Variants in UBE2U observed in about 807,000 individuals in gnomAD.
UBE2U encodes the protein ubiquitin-conjugating enzyme E2 U.
Under a neutral mutation model 41.2 loss-of-function variants are expected in UBE2U, and 39 were observed. The ratio of observed to expected loss-of-function variants is 0.95; its 90% CI spans 0.73 to 1.24. UBE2U has a LOEUF of 1.24. Among genes scored for constraint, UBE2U ranks in the 50% most tolerant of loss-of-function variants. UBE2U has a pLI of 0.00. For synonymous variants in UBE2U, 107 were observed against 117.8 expected (o/e 0.91, Z 0.60); for missense variants, 336 against 363.1 (o/e 0.93, Z 0.61).
At chr1:64,255,813 G>A (rs1454908535) in intron 8 of UBE2U, among the ~76,000 whole-genome samples, 2 of 152,130 alleles carry the variant, frequency 1.3e-5, no homozygotes, top group East Asian at 3.8e-4. Context: ...TAGGAAGAGA[G>A]GGAGTTATCT....
intron 8 of UBE2U, among the ~76,000 whole-genome samples, chr1:64,247,864 C>CAAA (rs71056034): frequency 7.8e-6 from 1 of 127,900 alleles, no homozygotes; most frequent in Non-Finnish European, 1.6e-5. Flanking sequence ...ACCTGTCTCA[C>CAAA]AAAAAAAAAA....
chr1:64,260,966 G>T (rs1645172143), intron 9 of UBE2U, among the ~76,000 whole-genome samples: 2 of 152,076 alleles, frequency 1.3e-5, no homozygotes, highest in African/African-American at 4.8e-5. Context: ...AAATTTTAAG[G>T]CTAAGTTTCA....
intron 7 of UBE2U, among the ~76,000 whole-genome samples, chr1:64,239,178 G>GA (rs140881775): frequency 3.4e-5 from 3 of 88,432 alleles, no homozygotes; most frequent in East Asian, 6.9e-4. Flanking sequence ...AGAAGAAGAA[G>GA]AAGAAGAAGA....
chr1:64,206,084 C>A (rs1651280218), intron 2 of UBE2U, among the ~76,000 whole-genome samples: 1 of 152,128 alleles, frequency 6.6e-6, no homozygotes, highest in South Asian at 2.1e-4. Context: ...CAAAACCCCA[C>A]AGTTACTTCT....
At chr1:64,221,170 G>A (rs1157160503) in intron 6 of UBE2U, among the ~76,000 whole-genome samples, 1 of 152,108 alleles carries the variant, frequency 6.6e-6, no homozygotes, top group African/African-American at 2.4e-5. Flanking sequence ...GGAATGCAAT[G>A]GCGCAATCTC....
At position 64,214,795 on chromosome 1, in the gene UBE2U, T is replaced by G. The variant is rs1651881255; in HGVS notation, c.340-20T>G. ...AAAAGTTTACTTCTGAAATTATATG[T>G]TGTCTGTGTTTTCCTATAGGTTATG... On this transcript the variant is annotated intron_variant, in intron 4 of 9. Coordinates refer to ENST00000371077, the MANE Select transcript of UBE2U (RefSeq NM_001366232.2). 6.3e-7 allele frequency: 1 copy of G among 1,598,522 alleles called. No individual in the cohort carries two copies. The highest frequency in any genetic ancestry group is 8.6e-7 in the Non-Finnish European group (1 of 1,167,110).
In UBE2U at chr1:64,234,509, C is replaced by A. The variant is rs116573592; in HGVS notation, c.595+1860C>A. ...AAAAATAGTATCAAGTTTTAAGGTA[C>A]AAATGAGGGCAAAAAATAGTACTAA... is the stretch of plus-strand genomic sequence containing the variant. On this transcript the variant is annotated intron_variant, in intron 7 of 9. Transcript: ENST00000371077. 7.5e-3 allele frequency among the ~76,000 whole-genome samples: 1,143 copies of A among 152,168 alleles called. 14 individuals are homozygous for A. The highest frequency in any genetic ancestry group is 0.027 in the African/African-American group (1,105 of 41,514).
At chr1:64,252,012 G>A (rs185131015) in intron 8 of UBE2U, among the ~76,000 whole-genome samples, 42 of 152,288 alleles carry the variant, frequency 2.8e-4, no homozygotes, top group Non-Finnish European at 4.9e-4. Context: ...GTTCCTGGGG[G>A]AAAATGTGGT....
chr1:64,239,105 G>GAA (rs1425212685), intron 7 of UBE2U, among the ~76,000 whole-genome samples: 4 of 12,938 alleles, frequency 3.1e-4, no homozygotes, highest in African/African-American at 2.7e-3. Flanking sequence ...AGAAGAAGAA[G>GAA]AAGAAGAAGA....
chr1:64,224,907 G>C (rs959736079), intron 6 of UBE2U, among the ~76,000 whole-genome samples: 1 of 150,262 alleles, frequency 6.7e-6, no homozygotes, highest in Non-Finnish European at 1.5e-5. Flanking sequence ...TGAAAAGAGT[G>C]CCTTATAAAA....
chr1:64,266,791 A>G (rs1347579760), intron 9 of UBE2U, among the ~76,000 whole-genome samples: 1 of 152,174 alleles, frequency 6.6e-6, no homozygotes, highest in African/African-American at 2.4e-5. Context: ...CAGTAAATAT[A>G]TATGCTAAAT....
intron 1 of UBE2U, 39 bp from the exon 2 acceptor site, chr1:64,205,600 A>G (rs779512790): frequency 3.9e-6 from 6 of 1,529,162 alleles, no homozygotes; most frequent in African/African-American, 2.8e-5. Flanking sequence ...TAAATACTTA[A>G]TAAGTTTTTT....
chr1:64,226,292 T>G (rs1652860660), intron 6 of UBE2U, among the ~76,000 whole-genome samples: 1 of 152,158 alleles, frequency 6.6e-6, no homozygotes, highest in South Asian at 2.1e-4. Flanking sequence ...GTGATTCAAT[T>G]TATATGAAGT....
At chr1:64,258,175 A>G (rs1645124925) in intron 8 of UBE2U, among the ~76,000 whole-genome samples, 1 of 152,148 alleles carries the variant, frequency 6.6e-6, no homozygotes, top group African/African-American at 2.4e-5. Context: ...TCTTCCATGA[A>G]GTCAGAGACC....
intron 9 of UBE2U, among the ~76,000 whole-genome samples, chr1:64,266,819 A>T (rs1403857614): frequency 6.6e-6 from 1 of 152,210 alleles, no homozygotes; most frequent in Non-Finnish European, 1.5e-5. Context: ...CTAACAAAGC[A>T]TCAAAAGATT....
chr1:64,262,751 G>A (rs1645197196), intron 9 of UBE2U, among the ~76,000 whole-genome samples: 1 of 152,138 alleles, frequency 6.6e-6, no homozygotes, highest in Non-Finnish European at 1.5e-5. Flanking sequence ...GAAGTCATGG[G>A]TCCTATCCAC....
chr1:64,245,919 C>T (rs536756026), intron 8 of UBE2U, among the ~76,000 whole-genome samples: 12 of 152,200 alleles, frequency 7.9e-5, no homozygotes, highest in Admixed American at 7.2e-4. Context: ...AGCGAGTTTT[C>T]CTGAGGTTAC....
At chr1:64,250,360 C>A (rs2100502329) in intron 8 of UBE2U, among the ~76,000 whole-genome samples, 1 of 152,264 alleles carries the variant, frequency 6.6e-6, no homozygotes, top group South Asian at 2.1e-4. Context: ...ACAAAGACAA[C>A]TTTAAACCCA....
At chr1:64,223,104 G>A (rs1261703241) in intron 6 of UBE2U, among the ~76,000 whole-genome samples, 10 of 152,240 alleles carry the variant, frequency 6.6e-5, no homozygotes, top group African/African-American at 1.9e-4. Flanking sequence ...AGTCATCCAC[G>A]TACTTAGAAT....
Sources: gnomAD v4.1 joint callset for allele counts (sites outside exome capture counted in the v4.1 genomes callset) on GRCh38, gnomAD v4.1.1 for gene constraint, MANE v1.5 for transcripts, NCBI Gene and HGNC (gene_info 2026-07-23, HGNC 2026-07-21) for gene names.